Variants in MAN2A1 observed in about 807,000 individuals in gnomAD.
The protein encoded by MAN2A1 is mannosidase alpha class 2A member 1.
In MAN2A1, 76 loss-of-function variants were observed where a neutral mutation model predicts 142.6. The ratio of observed to expected loss-of-function variants is 0.53; its 90% CI spans 0.44 to 0.65. The LOEUF (loss-of-function observed/expected upper bound fraction) is 0.65, where lower values mean the gene tolerates loss of function less well. MAN2A1 is among the 30% of genes least tolerant of loss of function. The pLI is 0.00. For missense variants in MAN2A1, 1,311 were observed against 1,365.1 expected (o/e 0.96, Z 0.62); for synonymous variants, 559 against 473.2 (o/e 1.18, Z -2.35).
intron 6 of MAN2A1, among the ~76,000 whole-genome samples, chr5:109,770,097 G>A (rs113645907): frequency 2.0e-5 from 3 of 152,270 alleles, no homozygotes; most frequent in African/African-American, 4.8e-5. Context: ...GTCAGCTGGC[G>A]CTGGTTCATG....
At chr5:109,702,780 T>C (rs933944714) in intron 1 of MAN2A1, among the ~76,000 whole-genome samples, 2 of 152,226 alleles carry the variant, frequency 1.3e-5, no homozygotes, top group Non-Finnish European at 2.9e-5. Flanking sequence ...TTGCTATTAA[T>C]GTATTTTTAT....
At chr5:109,751,564 T>C (rs1261107231) in intron 4 of MAN2A1, among the ~76,000 whole-genome samples, 1 of 151,948 alleles carries the variant, frequency 6.6e-6, no homozygotes. Flanking sequence ...GTTCTATTTT[T>C]AGTTTTTTTT....
intron 5 of MAN2A1, among the ~76,000 whole-genome samples, chr5:109,765,425 G>A (rs35780891): frequency 0.18 from 26,650 of 152,030 alleles, 3,291 homozygotes; most frequent in East Asian, 0.64. Flanking sequence ...CTGCAGTAAT[G>A]TGATGTCCCA....
intron 15 of MAN2A1, among the ~76,000 whole-genome samples, chr5:109,821,042 TA>T (rs1247643044): frequency 6.6e-6 from 1 of 152,192 alleles, no homozygotes; most frequent in Non-Finnish European, 1.5e-5. Context: ...CTCTTGACTA[TA>T]AAGGTAGTAA....
At chr5:109,723,956 T>G (rs1227792107) in intron 3 of MAN2A1, among the ~76,000 whole-genome samples, 1 of 152,212 alleles carries the variant, frequency 6.6e-6, no homozygotes, top group East Asian at 1.9e-4. Context: ...TTTAGCTTTA[T>G]TGCTTTGCCC....
At chr5:109,787,403 G>T (rs550350030) in intron 10 of MAN2A1, among the ~76,000 whole-genome samples, 2 of 151,966 alleles carry the variant, frequency 1.3e-5, no homozygotes, top group Non-Finnish European at 2.9e-5. Context: ...AATAGGATAA[G>T]TGTATGTTTG....
intron 12 of MAN2A1, among the ~76,000 whole-genome samples, chr5:109,793,633 T>G (rs1277212383): frequency 6.6e-6 from 1 of 152,142 alleles, no homozygotes; most frequent in Admixed American, 6.5e-5. Context: ...AAACCATAAT[T>G]CAATAAAGCT....
rs868567575 is a variant in MAN2A1 at position 109,746,278 on chromosome 5, G to C, written c.708-9051G>C. Reference sequence around the variant, plus strand: ...ATGTGAACCACCGCGTCTGGCCTCAGTTTTGTTAGTTTTCAGTGCTTAGGA... The same window carrying C: ...ATGTGAACCACCGCGTCTGGCCTCACTTTTGTTAGTTTTCAGTGCTTAGGA... On this transcript the variant is annotated intron_variant, in intron 4 of 21. Transcript: ENST00000261483. 1.4e-4 allele frequency among the ~76,000 whole-genome samples: 22 copies of C among 152,196 alleles called. 1 individual carries two copies. The highest frequency in any genetic ancestry group is 3.4e-3 in the Middle Eastern group (1 of 294).
chr5:109,770,529 A>G lies in MAN2A1; in HGVS notation c.1184A>G (p.Asn395Ser). Residue 395 changes from asparagine (N) to serine (S), a missense_variant, in exon 7 of 22, where the codon AAT becomes AGT. This residue lies in a region of MAN2A1 where 890 missense variants were observed against 920.5 expected (regional missense o/e 0.97). Coordinates refer to ENST00000261483, the MANE Select transcript of MAN2A1 (RefSeq NM_002372.4). Reference protein sequence around the residue: ...GVPPETIHPGNVQSRARMLLD... With the variant: ...GVPPETIHPGSVQSRARMLLD... The stretch of plus-strand genomic sequence containing the variant: ...CCCCCAGAAACAATACATCCTGGAA[A>G]TGTCCAAAGCAGGTATGAAAATGCG... 6.2e-7 allele frequency: 1 copy of G among 1,613,728 alleles called. No individual in the cohort carries two copies. Among genetic ancestry groups the G allele is most frequent in the Non-Finnish European group, 8.5e-7 (1 of 1,179,788 alleles).
At chr5:109,852,494 G>C (rs1278579389) in intron 19 of MAN2A1, among the ~76,000 whole-genome samples, 1 of 152,150 alleles carries the variant, frequency 6.6e-6, no homozygotes, top group Non-Finnish European at 1.5e-5. Flanking sequence ...AACTCAAAGT[G>C]AGCTTAATAA....
intron 4 of MAN2A1, among the ~76,000 whole-genome samples, chr5:109,742,649 G>A (rs1752300435): frequency 1.3e-5 from 2 of 152,118 alleles, no homozygotes; most frequent in South Asian, 4.1e-4. Context: ...TTTTATACAG[G>A]TTGGATTTTA....
intron 16 of MAN2A1, among the ~76,000 whole-genome samples, chr5:109,837,380 C>T (rs1236905084): frequency 6.6e-6 from 1 of 151,892 alleles, no homozygotes; most frequent in Non-Finnish European, 1.5e-5. Context: ...GCCCTCTGCC[C>T]TTAAAAACAA....
intron 16 of MAN2A1, chr5:109,840,429 G>T: frequency 2.2e-6 from 1 of 447,708 alleles, no homozygotes. Context: ...TTTCTACCAG[G>T]TTTCTGCATC....
chr5:109,716,635 A>T (rs1751460162), intron 3 of MAN2A1, among the ~76,000 whole-genome samples: 1 of 152,220 alleles, frequency 6.6e-6, no homozygotes, highest in Non-Finnish European at 1.5e-5. Context: ...CAGAATACTC[A>T]TGGGAAAGTT....
chr5:109,753,192 C>T (rs1335962025), intron 4 of MAN2A1, among the ~76,000 whole-genome samples: 1 of 152,122 alleles, frequency 6.6e-6, no homozygotes, highest in Non-Finnish European at 1.5e-5. Context: ...GATAATAAAT[C>T]TCATACTGTC....
At chr5:109,721,710 T>C (rs191708890) in intron 3 of MAN2A1, among the ~76,000 whole-genome samples, 1 of 152,164 alleles carries the variant, frequency 6.6e-6, no homozygotes, top group Middle Eastern at 3.2e-3. Context: ...TGGTCTCTCA[T>C]TGGACTTTAT....
chr5:109,760,041 G>T (rs1164094912), intron 5 of MAN2A1, among the ~76,000 whole-genome samples: 1 of 151,978 alleles, frequency 6.6e-6, no homozygotes, highest in Non-Finnish European at 1.5e-5. Context: ...GAACATGCAG[G>T]TTTGTTACAT....
At chr5:109,790,040 T>C (rs889638771) in intron 12 of MAN2A1, among the ~76,000 whole-genome samples, 1 of 151,878 alleles carries the variant, frequency 6.6e-6, no homozygotes, top group African/African-American at 2.4e-5. Context: ...TCAGTGACCT[T>C]AAACCAGGGC....
intron 12 of MAN2A1, among the ~76,000 whole-genome samples, chr5:109,815,183 G>A (rs951702187): frequency 2.0e-5 from 3 of 152,116 alleles, no homozygotes; most frequent in Admixed American, 1.3e-4. Context: ...AATCCTGGCC[G>A]TTGCAGTTAG....
Sources: gnomAD v4.1 joint callset for allele counts (sites outside exome capture counted in the v4.1 genomes callset) on GRCh38, gnomAD v4.1.1 for gene constraint, gnomAD v4.1.1 regional missense constraint, MANE v1.5 for transcripts, NCBI Gene and HGNC (gene_info 2026-07-23, HGNC 2026-07-21) for gene names.